PIK3CD: variants seen among roughly 807,000 people sequenced by gnomAD.
The protein encoded by PIK3CD is phosphatidylinositol 4,5-bisphosphate 3-kinase catalytic subunit delta isoform.
In PIK3CD, 20 loss-of-function variants were observed where a neutral mutation model predicts 122.9. The ratio of observed to expected loss-of-function variants is 0.16; its 90% CI spans 0.11 to 0.24. The LOEUF (loss-of-function observed/expected upper bound fraction) is 0.24, where lower values mean the gene tolerates loss of function less well. Ranked by LOEUF, PIK3CD falls within the 10% of genes least tolerant of loss-of-function variation. The probability of loss-of-function intolerance (pLI) is 1.00; values close to 1 mark genes in which losing one functional copy is unlikely to be tolerated. For missense variants in PIK3CD, 787 were observed against 1,406.3 expected, an observed-to-expected ratio of 0.56 and a Z score of 7.04; for synonymous variants, 596 against 593.4, an observed-to-expected ratio of 1.00 and a Z score of -0.06.
In PIK3CD at chr1:9,700,924, C is replaced by T. The variant is rs1018392057; in HGVS notation, c.-33+9353C>T. Among the ~76,000 whole-genome samples, 8 of 152,066 alleles carry T rather than the reference C, an allele frequency of 5.3e-5. No individual in the cohort carries two copies. The highest frequency in any genetic ancestry group is 2.0e-4 in the Admixed American group (3 of 15,256). On this transcript the variant is annotated intron_variant, in intron 2 of 23. Coordinates refer to ENST00000377346, the MANE Select transcript of PIK3CD (RefSeq NM_005026.5). The surrounding 1 kb of genome is among the most constrained non-coding windows in gnomAD (Gnocchi z 5.1). The stretch of plus-strand genomic sequence containing the variant: ...CTCTGATTTAAGTATGTCTGGATTC[C>T]GTTGCTCTCCAGTGCTGTCTCCTTC...
Position 9,723,801 on chromosome 1 carries a change from GGCTCTGGAATA to G in PIK3CD, c.2595-165_2595-155del, listed in dbSNP as rs1307327710. ...AGATCTGCAGGGGTCTTCATGCCTTGGCTCTGGAATAGCGTCTGCAAGCGATGTCCAGCATT... is the reference window on the plus strand; with the variant it reads ...AGATCTGCAGGGGTCTTCATGCCTTGGCGTCTGCAAGCGATGTCCAGCATT... On this transcript the variant is annotated intron_variant, in intron 20 of 23. Transcript: ENST00000377346. The surrounding 1 kb of genome is among the most constrained non-coding windows in gnomAD (Gnocchi z 4.9). 6.6e-6 allele frequency among the ~76,000 whole-genome samples: 1 copy of G among 152,152 alleles called. No homozygotes were observed. The highest frequency in any genetic ancestry group is 1.5e-5 in the Non-Finnish European group (1 of 68,026).
intron 1 of PIK3CD, among the ~76,000 whole-genome samples, chr1:9,678,961 T>A (rs1290273135): frequency 6.6e-6 from 1 of 152,066 alleles, no homozygotes; most frequent in Non-Finnish European, 1.5e-5. Flanking sequence ...TTGGGGCATG[T>A]GTAAGGCCCC....
Position 9,719,026 on chromosome 1 carries a change from G to C in PIK3CD, c.1242+111G>C. 1 of 1,041,182 alleles carries C rather than the reference G, an allele frequency of 9.6e-7. No individual in the cohort carries two copies. The highest frequency in any genetic ancestry group is 2.6e-5 in the East Asian group (1 of 38,632). 64.5% of individuals were successfully genotyped at this position (1,041,182 alleles called of 1,614,324 possible). A position where few individuals can be genotyped will look rare whatever the true frequency, so the allele number is the denominator to read the frequency against. On this transcript the variant is annotated intron_variant, in intron 9 of 23. Coordinates refer to ENST00000377346, the MANE Select transcript of PIK3CD (RefSeq NM_005026.5). This position sits in a 1 kb window ranked among gnomAD's most constrained non-coding sequence, Gnocchi z 5.5. ...GCAAGCACGCAGCCTGGGGATGGGG[G>C]TCCTGGGATTGCTTGTGGACCCCAG...
Position 9,727,223 on chromosome 1 carries a change from C to A in PIK3CD, c.*177C>A. Reference sequence around the variant, plus strand: ...ACTTGAAATAGTTTAAGGAGCTAAACAGCCATAAACGGAAACGCCTCCTTC... The same window carrying A: ...ACTTGAAATAGTTTAAGGAGCTAAAAAGCCATAAACGGAAACGCCTCCTTC... On this transcript the variant is annotated 3_prime_UTR_variant, in exon 24 of 24. Transcript: ENST00000377346. 1 of 751,050 alleles carries A rather than the reference C, an allele frequency of 1.3e-6. No individual in the cohort carries two copies. Among genetic ancestry groups the A allele is most frequent in the Non-Finnish European group, 2.2e-6 (1 of 455,406 alleles). The allele number at this position is 751,050 out of a possible 1,614,324, so 46.5% of individuals were successfully genotyped here.
the PIK3CD span, among the ~76,000 whole-genome samples, chr1:9,645,495 G>A: frequency 6.6e-5 from 10 of 151,688 alleles, no homozygotes; most frequent in South Asian, 2.1e-4. Flanking sequence ...CTTCGCTCTT[G>A]TTGCCCAGGC....
At position 9,689,005 on chromosome 1, in the gene PIK3CD, CATCAGCTAGGG is replaced by C. The variant is rs1262530003; in HGVS notation, c.-137-2460_-137-2450del. On this transcript the variant is annotated intron_variant, in intron 1 of 23. Transcript: ENST00000377346. This position sits in a 1 kb window ranked among gnomAD's most constrained non-coding sequence, Gnocchi z 6.1. ...TAAGGGAACCCCCGATGGAAAGGCC[CATCAGCTAGGG>C]AACAGCCAGCAGGCTGGATTTGAGC... 6.6e-6 allele frequency among the ~76,000 whole-genome samples: 1 copy of C among 152,210 alleles called. No homozygotes were observed. Among genetic ancestry groups the C allele is most frequent in the Non-Finnish European group, 1.5e-5 (1 of 68,032 alleles).
At chr1:9,661,166 C>G (rs1303936963) in intron 1 of PIK3CD, among the ~76,000 whole-genome samples, 3 of 152,034 alleles carry the variant, frequency 2.0e-5, no homozygotes, top group African/African-American at 7.2e-5. Context: ...AACTCTTGAC[C>G]TCAAGTGATC....
At chr1:9,686,291 C>T (rs779594405) in intron 1 of PIK3CD, among the ~76,000 whole-genome samples, 13 of 151,974 alleles carry the variant, frequency 8.6e-5, no homozygotes, top group Non-Finnish European at 1.6e-4. Context: ...GACTTCTGGG[C>T]CAAGCAATCC....
At chr1:9,711,805 C>T (rs1647063828) in intron 3 of PIK3CD, among the ~76,000 whole-genome samples, 1 of 152,064 alleles carries the variant, frequency 6.6e-6, no homozygotes, top group African/African-American at 2.4e-5. Flanking sequence ...TAGAATGTGC[C>T]TTTCATTTTT....
At chr1:9,633,204 T>C in the PIK3CD span, among the ~76,000 whole-genome samples, 1 of 151,846 alleles carries the variant, frequency 6.6e-6, no homozygotes, top group African/African-American at 2.4e-5. Context: ...GCTTAGGAAT[T>C]CTCCAGGTGG....
chr1:9,726,785 C>T, intron 23 of PIK3CD, 124 bp from the exon 24 acceptor site: 1 of 1,253,280 alleles, frequency 8.0e-7, no homozygotes, highest in Non-Finnish European at 1.1e-6. Flanking sequence ...AGAGCTTTTC[C>T]TGAGATGCTG....
At position 9,689,489 on chromosome 1, in the gene PIK3CD, C is replaced by T. The variant is rs1178726826; in HGVS notation, c.-137-1978C>T. ...CCCCAGCCCCGAGGACGCCCCGCCC[C>T]CAGCCGGCGCCCCGCCCCGCCTGCC... On this transcript the variant is annotated intron_variant, in intron 1 of 23. Coordinates refer to ENST00000377346, the MANE Select transcript of PIK3CD (RefSeq NM_005026.5). The surrounding 1 kb of genome is among the most constrained non-coding windows in gnomAD (Gnocchi z 6.1). Among the ~76,000 whole-genome samples the T allele has an allele frequency of 6.8e-6, 1 of 147,538 alleles. No homozygotes were observed.
At chr1:9,707,790 T>A (rs549985919) in intron 2 of PIK3CD, among the ~76,000 whole-genome samples, 156 of 144,934 alleles carry the variant, frequency 1.1e-3, no homozygotes, top group African/African-American at 3.8e-3. Flanking sequence ...TTTTTTTTTT[T>A]TATAATTTTG....
rs1646104859 is a variant in PIK3CD at position 9,689,456 on chromosome 1, C to T, written c.-137-2011C>T. The stretch of plus-strand genomic sequence containing the variant: ...ACGGTGCCCGCGCCGCCGCCGGCCC[C>T]GGCCCCGCCCCAGCCCCGAGGACGC... On this transcript the variant is annotated intron_variant, in intron 1 of 23. Transcript: ENST00000377346. The surrounding 1 kb of genome is among the most constrained non-coding windows in gnomAD (Gnocchi z 6.1). Among the ~76,000 whole-genome samples the T allele has an allele frequency of 6.7e-6, 1 of 148,896 alleles. No homozygotes were observed. Among genetic ancestry groups the T allele is most frequent in the Non-Finnish European group, 1.5e-5 (1 of 66,658 alleles).
At chr1:9,726,301 G>A (rs1009971093) in intron 23 of PIK3CD, among the ~76,000 whole-genome samples, 1 of 152,112 alleles carries the variant, frequency 6.6e-6, no homozygotes, top group African/African-American at 2.4e-5. Context: ...GAGGTCAGGA[G>A]ATCGAGACCA....
intron 3 of PIK3CD, among the ~76,000 whole-genome samples, chr1:9,714,792 G>A (rs12030893): frequency 0.015 from 2,355 of 152,230 alleles, 116 homozygotes; most frequent in South Asian, 0.12. Context: ...CTGGAGGCCC[G>A]TCACCCCAGG....
chr1:9,655,395 GA>G (rs1644818602), intron 1 of PIK3CD, among the ~76,000 whole-genome samples: 1 of 151,804 alleles, frequency 6.6e-6, no homozygotes, highest in Non-Finnish European at 1.5e-5. Flanking sequence ...AATCATAGCA[GA>G]AATGCTGCCA....
chr1:9,694,457 C>A (rs549681896), intron 2 of PIK3CD, among the ~76,000 whole-genome samples: 2 of 152,160 alleles, frequency 1.3e-5, no homozygotes, highest in Non-Finnish European at 2.9e-5. Flanking sequence ...TCGCTTGAAC[C>A]TGGGAGGTGG....
At chr1:9,687,831 AGGG>A in intron 1 of PIK3CD, among the ~76,000 whole-genome samples, 1 of 152,156 alleles carries the variant, frequency 6.6e-6, no homozygotes, top group Non-Finnish European at 1.5e-5. Flanking sequence ...TGTGACTTCT[AGGG>A]ACGGCCAGGG....
Sources: gnomAD v4.1 joint callset for allele counts (sites outside exome capture counted in the v4.1 genomes callset) on GRCh38, gnomAD v4.1.1 for gene constraint, Gnocchi (gnomAD v3.1) non-coding constraint, MANE v1.5 for transcripts, NCBI Gene and HGNC (gene_info 2026-07-23, HGNC 2026-07-21) for gene names.